Variants in LIMS1 observed in about 807,000 individuals in gnomAD.
LIMS1 encodes the protein LIM and senescent cell antigen-like-containing domain protein 1.
Under a neutral mutation model 44.1 loss-of-function variants are expected in LIMS1, and 18 were observed. The observed-to-expected ratio is 0.41, with a 90% confidence interval of 0.28 to 0.61. The LOEUF is 0.61. Among genes scored for constraint, LIMS1 ranks in the 20% least tolerant of loss-of-function variants. The probability of loss-of-function intolerance (pLI) is 0.32; values close to 1 mark genes in which losing one functional copy is unlikely to be tolerated. For missense variants in LIMS1, 201 were observed against 422.0 expected (o/e 0.48, Z 4.59); for synonymous variants, 93 against 149.1 (o/e 0.62, Z 2.74).
chr2:108,645,732 C>T (rs529933715), intron 1 of LIMS1, among the ~76,000 whole-genome samples: 1 of 151,776 alleles, frequency 6.6e-6, no homozygotes, highest in East Asian at 1.9e-4. Context: ...CATCAGTGTG[C>T]TGTATTCAGG....
chr2:108,546,269 CTTTT>C (rs35959257), intron 1 of LIMS1, among the ~76,000 whole-genome samples: 2 of 90,870 alleles, frequency 2.2e-5, no homozygotes, highest in Non-Finnish European at 4.0e-5. Context: ...AGGCTACCGC[CTTTT>C]TTTTTTTTTT....
chr2:108,546,618 T>C (rs1684489611), intron 1 of LIMS1, among the ~76,000 whole-genome samples: 1 of 151,966 alleles, frequency 6.6e-6, no homozygotes, highest in Admixed American at 6.6e-5. Context: ...GGGTCATTTA[T>C]AGCTAAACCA....
intron 1 of LIMS1, among the ~76,000 whole-genome samples, chr2:108,559,094 C>T (rs1469001363): frequency 6.6e-6 from 1 of 152,218 alleles, no homozygotes; most frequent in Non-Finnish European, 1.5e-5. Context: ...CTAAGCCTCA[C>T]ACTAATATCA....
At chr2:108,579,199 C>G (rs1054713672) in intron 1 of LIMS1, among the ~76,000 whole-genome samples, 1 of 152,078 alleles carries the variant, frequency 6.6e-6, no homozygotes, top group Admixed American at 6.5e-5. Flanking sequence ...TTTAAAAAAT[C>G]TATTCTGTAG....
chr2:108,610,609 T>C (rs1008814585), intron 1 of LIMS1, among the ~76,000 whole-genome samples: 2 of 152,296 alleles, frequency 1.3e-5, no homozygotes, highest in Admixed American at 6.5e-5. Flanking sequence ...GTGATAATTC[T>C]TTATCACCAT....
intron 1 of LIMS1, among the ~76,000 whole-genome samples, chr2:108,635,204 G>T (rs1240224779): frequency 6.6e-6 from 1 of 152,160 alleles, no homozygotes; most frequent in Non-Finnish European, 1.5e-5. Context: ...GCCCAGGCGG[G>T]TGGATCACCT....
intron 2 of LIMS1, among the ~76,000 whole-genome samples, chr2:108,667,644 T>C (rs1266835229): frequency 2.0e-5 from 3 of 151,324 alleles, no homozygotes; most frequent in African/African-American, 7.3e-5. Context: ...TAAAAGTTGA[T>C]CATTTCTAAC....
chr2:108,567,324 G>C (rs1011773386), intron 1 of LIMS1, among the ~76,000 whole-genome samples: 12 of 152,142 alleles, frequency 7.9e-5, no homozygotes, highest in African/African-American at 2.9e-4. Context: ...CCTGTGACGG[G>C]ATGGAGTCTC....
chr2:108,590,301 TATA>T (rs1258361780), intron 1 of LIMS1, among the ~76,000 whole-genome samples: 2 of 152,342 alleles, frequency 1.3e-5, no homozygotes, highest in African/African-American at 4.8e-5. Context: ...AAGGAATAGT[TATA>T]ATGAACAGGA....
intron 1 of LIMS1, among the ~76,000 whole-genome samples, chr2:108,601,291 C>G (rs1252570180): frequency 1.3e-5 from 2 of 152,108 alleles, no homozygotes; most frequent in African/African-American, 4.8e-5. Flanking sequence ...ATGGAGGATT[C>G]ATCACCAGAC....
exon 10 of LIMS1, chr2:108,684,937 A>C (rs1254760157): frequency 2.6e-5 from 4 of 152,062 alleles, no homozygotes; most frequent in African/African-American, 4.8e-5. Flanking sequence ...GCCTTGCCTT[A>C]AAAACATACA....
intron 1 of LIMS1, among the ~76,000 whole-genome samples, chr2:108,546,780 A>C (rs571612584): frequency 3.5e-4 from 54 of 152,222 alleles, no homozygotes; most frequent in African/African-American, 1.3e-3. Flanking sequence ...TAATCTCTAA[A>C]GGGCAAAGTA....
chr2:108,541,561 A>G (rs914153763), intron 1 of LIMS1, among the ~76,000 whole-genome samples: 2 of 152,236 alleles, frequency 1.3e-5, no homozygotes, highest in South Asian at 4.1e-4. Flanking sequence ...GAAGCTGCTT[A>G]TTGCCTGTCA....
At chr2:108,635,488 G>A (rs1205870789) in intron 1 of LIMS1, among the ~76,000 whole-genome samples, 5 of 150,476 alleles carry the variant, frequency 3.3e-5, no homozygotes, top group Non-Finnish European at 5.9e-5. Context: ...AGGCCAAGGC[G>A]GGTGGAATTC....
At chr2:108,669,220 C>A (rs1311947717) in intron 2 of LIMS1, among the ~76,000 whole-genome samples, 1 of 151,944 alleles carries the variant, frequency 6.6e-6, no homozygotes, top group African/African-American at 2.4e-5. Flanking sequence ...CCAGCCTGGC[C>A]AACATGGTGA....
chr2:108,566,139 C>T (rs1388423338), intron 1 of LIMS1, among the ~76,000 whole-genome samples: 2 of 152,150 alleles, frequency 1.3e-5, no homozygotes, highest in Admixed American at 1.3e-4. Context: ...ACTGTGTTGT[C>T]TGGGCAGGTT....
chr2:108,606,361 A>G (rs1284505894), intron 1 of LIMS1, among the ~76,000 whole-genome samples: 1 of 152,238 alleles, frequency 6.6e-6, no homozygotes, highest in African/African-American at 2.4e-5. Flanking sequence ...AAATTCACCA[A>G]GGTGGGATTC....
intron 1 of LIMS1, among the ~76,000 whole-genome samples, chr2:108,591,960 A>G (rs1299942995): frequency 6.6e-6 from 1 of 151,746 alleles, no homozygotes; most frequent in Non-Finnish European, 1.5e-5. Flanking sequence ...ATGCCCGGCT[A>G]ATTTTTGTAT....
At chr2:108,684,797 T>A (rs2149030221) in exon 10 of LIMS1, 1 of 152,270 alleles carries the variant, frequency 6.6e-6, no homozygotes, top group East Asian at 1.9e-4. Context: ...AAGCATGTAG[T>A]CTTAGAATAG....
Sources: gnomAD v4.1 joint callset for allele counts (sites outside exome capture counted in the v4.1 genomes callset) on GRCh38, gnomAD v4.1.1 for gene constraint, MANE v1.5 for transcripts, NCBI Gene and HGNC (gene_info 2026-07-23, HGNC 2026-07-21) for gene names.